The following MMP16 variants were observed in gnomAD, a reference collection of about 807,000 sequenced individuals.
MMP16 encodes the protein matrix metalloproteinase-16.
A neutral mutation model predicts 67.8 loss-of-function variants in MMP16; 12 were observed. The observed-to-expected ratio is 0.18, with a 90% CI of 0.11 to 0.29. The LOEUF is 0.29. Among genes scored for constraint, MMP16 ranks in the 10% least tolerant of loss-of-function variants. The pLI, the probability that MMP16 is intolerant of heterozygous loss-of-function variation, is 1.00. For missense variants in MMP16, 475 were observed against 765.7 expected, an observed-to-expected ratio of 0.62 and a Z score of 4.48; for synonymous variants, 249 against 255.9, an observed-to-expected ratio of 0.97 and a Z score of 0.26.
rs374052715 is a variant in MMP16 at position 88,148,910 on chromosome 8, C to T, written c.709+18759G>A. ...GGTCTACAGCTCCCAGCGTGAGCGA[C>T]GCAGAAGACGGGTGATTTCTGCATT... is the stretch of plus-strand genomic sequence containing the variant. On this transcript the variant is annotated intron_variant, in intron 4 of 9. Coordinates refer to ENST00000286614, the MANE Select transcript of MMP16 (RefSeq NM_005941.5). Among the ~76,000 whole-genome samples, 1,193 of 152,298 alleles carry T rather than the reference C, an allele frequency of 7.8e-3. 17 individuals carry two copies. The highest frequency in any genetic ancestry group is 0.075 in the Middle Eastern group (22 of 294).
At chr8:88,113,043 G>A (rs1006289907) in intron 6 of MMP16, among the ~76,000 whole-genome samples, 3 of 151,636 alleles carry the variant, frequency 2.0e-5, no homozygotes, top group Admixed American at 6.6e-5. Flanking sequence ...GACTATCATC[G>A]TATAAAAATA....
intron 1 of MMP16, among the ~76,000 whole-genome samples, chr8:88,268,338 G>C (rs1810510886): frequency 6.6e-6 from 1 of 152,122 alleles, no homozygotes; most frequent in Non-Finnish European, 1.5e-5. Context: ...ATGGAACTCT[G>C]TCTCAAAAAG....
rs960202776 is a variant in MMP16 at position 88,037,686 on chromosome 8, A to G, written c.*3775T>C. On this transcript the variant is annotated 3_prime_UTR_variant, in exon 10 of 10. Coordinates refer to ENST00000286614, the MANE Select transcript of MMP16 (RefSeq NM_005941.5). ...AACCTTATCTACAATTCTGATGCGGAATTACTGCTTTACAGGAAATTCAAA... is the reference window on the plus strand; with the variant it reads ...AACCTTATCTACAATTCTGATGCGGGATTACTGCTTTACAGGAAATTCAAA... The G allele has an allele frequency of 3.9e-5, 6 of 151,996 alleles. No homozygotes were observed. Among genetic ancestry groups the G allele is most frequent in the African/African-American group, 1.4e-4 (6 of 41,436 alleles). 9.4% of individuals were successfully genotyped at this position (151,996 alleles called of 1,614,324 possible).
intron 2 of MMP16, among the ~76,000 whole-genome samples, chr8:88,194,492 A>G (rs1047992027): frequency 6.6e-6 from 1 of 152,122 alleles, no homozygotes; most frequent in African/African-American, 2.4e-5. Context: ...TAGCTTTAAT[A>G]TCATGATGAT....
chr8:88,205,481 G>C (rs1461559337), intron 1 of MMP16, among the ~76,000 whole-genome samples: 1 of 152,098 alleles, frequency 6.6e-6, no homozygotes, highest in African/African-American at 2.4e-5. Context: ...ATATGTTCTG[G>C]GTATAACACT....
At chr8:88,231,434 C>G (rs1425678053) in intron 1 of MMP16, among the ~76,000 whole-genome samples, 1 of 152,102 alleles carries the variant, frequency 6.6e-6, no homozygotes. Context: ...TTTCTCTTTC[C>G]CCTAAATCCT....
At chr8:88,077,793 G>C (rs1222931466) in intron 6 of MMP16, among the ~76,000 whole-genome samples, 1 of 152,052 alleles carries the variant, frequency 6.6e-6, no homozygotes. Context: ...AATTATAAAA[G>C]TTATGAAGGG....
intron 6 of MMP16, among the ~76,000 whole-genome samples, chr8:88,096,964 G>A (rs1480535475): frequency 2.6e-5 from 4 of 151,898 alleles, no homozygotes; most frequent in Non-Finnish European, 5.9e-5. Context: ...ATATGGCTCT[G>A]TAGTGACAAT....
chr8:88,118,671 T>G (rs1809479036), intron 5 of MMP16, 29 bp downstream of exon 5: 1 of 1,599,638 alleles, frequency 6.3e-7, no homozygotes, highest in East Asian at 2.2e-5. Context: ...CACTATCGGA[T>G]TAAGCAAATT....
chr8:88,168,323 C>T (rs538147090), intron 3 of MMP16, among the ~76,000 whole-genome samples: 21 of 152,228 alleles, frequency 1.4e-4, no homozygotes, highest in Non-Finnish European at 2.6e-4. Context: ...ATAAAAATTT[C>T]AATTTTTTCT....
At chr8:88,198,050 G>T (rs1458246882) in intron 1 of MMP16, among the ~76,000 whole-genome samples, 1 of 152,176 alleles carries the variant, frequency 6.6e-6, no homozygotes, top group East Asian at 1.9e-4. Context: ...GGTGAAGGGG[G>T]CTCTGGGAGG....
At chr8:88,277,960 T>G (rs919046294) in intron 1 of MMP16, among the ~76,000 whole-genome samples, 6 of 152,308 alleles carry the variant, frequency 3.9e-5, no homozygotes, top group African/African-American at 1.4e-4. Context: ...CACTACTGAT[T>G]GCACTGAATT....
intron 1 of MMP16, among the ~76,000 whole-genome samples, chr8:88,265,716 G>A (rs1359522422): frequency 6.6e-6 from 1 of 152,122 alleles, no homozygotes; most frequent in African/African-American, 2.4e-5. Flanking sequence ...ATCATATTTA[G>A]CTAGTCCATG....
intron 6 of MMP16, among the ~76,000 whole-genome samples, chr8:88,105,763 C>CA (rs1396171973): frequency 6.6e-6 from 1 of 150,864 alleles, no homozygotes; most frequent in Non-Finnish European, 1.5e-5. Flanking sequence ...GTATTCTAGA[C>CA]AAAAGAAAGA....
At chr8:88,047,228 A>G (rs1012017595) in intron 8 of MMP16, among the ~76,000 whole-genome samples, 1 of 152,110 alleles carries the variant, frequency 6.6e-6, no homozygotes, top group Non-Finnish European at 1.5e-5. Flanking sequence ...CAGAATCTTG[A>G]TTTATTTATT....
chr8:88,188,442 A>T (rs1378444367), intron 2 of MMP16, among the ~76,000 whole-genome samples: 2 of 152,326 alleles, frequency 1.3e-5, no homozygotes, highest in East Asian at 3.9e-4. Context: ...TTAAGTAAGC[A>T]ATCTGTGAAA....
intron 1 of MMP16, among the ~76,000 whole-genome samples, chr8:88,261,120 T>C (rs1201612530): frequency 6.6e-6 from 1 of 152,182 alleles, no homozygotes; most frequent in Non-Finnish European, 1.5e-5. Context: ...AAATATATTA[T>C]AAATTTCCTA....
chr8:88,314,143 C>T (rs1486262006), intron 1 of MMP16, among the ~76,000 whole-genome samples: 1 of 152,026 alleles, frequency 6.6e-6, no homozygotes, highest in Non-Finnish European at 1.5e-5. Flanking sequence ...TTTCTGCAAC[C>T]TAAAGTTTAT....
chr8:88,321,781 G>T (rs1811463711), intron 1 of MMP16, among the ~76,000 whole-genome samples: 1 of 152,110 alleles, frequency 6.6e-6, no homozygotes, highest in African/African-American at 2.4e-5. Context: ...AATGGCCTTA[G>T]TGACAGTTTA....
Sources: allele counts gnomAD v4.1 joint callset (sites outside exome capture counted in the v4.1 genomes callset), GRCh38; gene constraint gnomAD v4.1.1; transcripts MANE v1.5; gene names NCBI Gene and HGNC (gene_info 2026-07-23, HGNC 2026-07-21).